COLEC10: variants seen among roughly 807,000 people sequenced by gnomAD.
COLEC10 encodes collectin subfamily member 10.
A neutral mutation model predicts 28.4 loss-of-function variants in COLEC10; 22 were observed. The ratio of observed to expected loss-of-function variants is 0.78; its 90% confidence interval spans 0.55 to 1.11. COLEC10 has a LOEUF of 1.11. COLEC10 is among the 50% of genes least tolerant of loss of function. The pLI is 0.00. For synonymous variants in COLEC10, 125 were observed against 116.1 expected, an observed-to-expected ratio of 1.08 and a Z score of -0.49; for missense variants, 361 against 344.1, an observed-to-expected ratio of 1.05 and a Z score of -0.39.
chr8:119,077,681 G>A (rs1053913825), intron 1 of COLEC10, among the ~76,000 whole-genome samples: 3 of 152,192 alleles, frequency 2.0e-5, no homozygotes, highest in African/African-American at 7.2e-5. Flanking sequence ...ATGTTCAATG[G>A]AGGAGGAACT....
chr8:119,051,686 C>T (rs1482948562), intron 2 of COLEC10, among the ~76,000 whole-genome samples: 2 of 152,138 alleles, frequency 1.3e-5, no homozygotes, highest in Middle Eastern at 3.2e-3. Flanking sequence ...AAAGCTCATA[C>T]CATATTAATA....
At chr8:119,021,519 A>G (rs1409055462) in intron 2 of COLEC10, among the ~76,000 whole-genome samples, 2 of 152,178 alleles carry the variant, frequency 1.3e-5, no homozygotes, top group African/African-American at 2.4e-5. Flanking sequence ...GTAGAGGCCA[A>G]AGGCTTTCTG....
intron 2 of COLEC10, among the ~76,000 whole-genome samples, chr8:119,011,374 T>C (rs1456400244): frequency 4.0e-5 from 6 of 150,940 alleles, no homozygotes; most frequent in Non-Finnish European, 7.4e-5. Context: ...CTGTTTTGAG[T>C]AGTGTAGCTT....
intron 2 of COLEC10, among the ~76,000 whole-genome samples, chr8:119,026,563 T>C (rs1394016746): frequency 6.6e-6 from 1 of 152,144 alleles, no homozygotes; most frequent in Non-Finnish European, 1.5e-5. Flanking sequence ...TTTAGCTCTA[T>C]ACAATCAGTA....
chr8:119,053,693 G>C (rs531289391), intron 2 of COLEC10, among the ~76,000 whole-genome samples: 4 of 150,186 alleles, frequency 2.7e-5, no homozygotes, highest in Non-Finnish European at 5.9e-5. Flanking sequence ...AGGTGGGGGG[G>C]GCTTATTTCT....
chr8:119,106,253 T>C lies in COLEC10; in HGVS notation c.*62T>C, dbSNP rs1815940916. On this transcript the variant is annotated 3_prime_UTR_variant, in exon 6 of 6. Transcript: ENST00000332843. ...CCGTCATTACAGTTATTGTTATCCA[T>C]CCTTTTTTTCCTGATTGTACTACAT... 5 of 1,499,120 alleles carry C rather than the reference T, an allele frequency of 3.3e-6. No individual in the cohort carries two copies. The highest frequency in any genetic ancestry group is 2.0e-5 in the Admixed American group (1 of 50,358). 92.9% of individuals were successfully genotyped at this position (1,499,120 alleles called of 1,614,324 possible). A position where few individuals can be genotyped will look rare whatever the true frequency, so the allele number is the denominator to read the frequency against.
chr8:119,106,166 G>A lies in COLEC10; in HGVS notation c.809G>A (p.Cys270Tyr). The A allele has an allele frequency of 6.2e-7, 1 of 1,600,578 alleles. No individual in the cohort carries two copies. The highest frequency in any genetic ancestry group is 1.1e-5 in the South Asian group (1 of 90,790). Reference sequence around the variant, plus strand: ...TGCCATCTTACCATGTACTTTGTCTGTGAGTTCATCAAGAAGAAAAAGTAA... The same window carrying A: ...TGCCATCTTACCATGTACTTTGTCTATGAGTTCATCAAGAAGAAAAAGTAA... ...TECHLTMYFV[C>Y]EFIKKKK The change falls in exon 6 of 6, where the codon TGT becomes TAT. Residue 270 changes from cysteine to tyrosine, a missense_variant. Physicochemically the swap from Cys to Tyr is radical, Grantham distance 194. Around this residue, in one of 3 missense-constraint regions of COLEC10, gnomAD observed 22 missense variants for 17.3 expected, o/e 1.28. Transcript: ENST00000332843.
chr8:118,996,695 C>T (rs1368412239), intron 1 of COLEC10, among the ~76,000 whole-genome samples: 1 of 152,132 alleles, frequency 6.6e-6, no homozygotes, highest in Admixed American at 6.5e-5. Context: ...CAGTGAAATA[C>T]CTGGAACTGG....
At chr8:119,008,485 T>TTTA (rs1554622910) in intron 1 of COLEC10, among the ~76,000 whole-genome samples, 3 of 149,590 alleles carry the variant, frequency 2.0e-5, no homozygotes, top group Non-Finnish European at 4.4e-5. Flanking sequence ...TTTTTATTTT[T>TTTA]TTTTTTGCCA....
At chr8:119,062,805 A>C, upstream of COLEC10, 1 of 152,226 alleles carries the variant, frequency 6.6e-6, no homozygotes, top group East Asian at 1.9e-4. Context: ...CGGTTTTAAA[A>C]TATGAAATTT....
At chr8:119,084,051 C>T (rs1815419127) in intron 1 of COLEC10, among the ~76,000 whole-genome samples, 2 of 152,118 alleles carry the variant, frequency 1.3e-5, no homozygotes, top group Admixed American at 1.3e-4. Context: ...TGCTTGCTTG[C>T]TTTTTATGTT....
intron 2 of COLEC10, among the ~76,000 whole-genome samples, chr8:119,049,001 C>G (rs1380556572): frequency 2.0e-5 from 3 of 152,142 alleles, no homozygotes; most frequent in Non-Finnish European, 4.4e-5. Context: ...TTAGCACTCC[C>G]TTAAGGACCT....
intron 2 of COLEC10, among the ~76,000 whole-genome samples, chr8:119,059,262 A>ACTAT (rs140713481): frequency 0.26 from 38,921 of 151,568 alleles, 5,314 homozygotes; most frequent in East Asian, 0.52. Flanking sequence ...CTTTTGGTGT[A>ACTAT]CTAAGAAACT....
intron 1 of COLEC10, among the ~76,000 whole-genome samples, chr8:119,003,629 A>C (rs1189897824): frequency 6.6e-6 from 1 of 152,060 alleles, no homozygotes; most frequent in Non-Finnish European, 1.5e-5. Flanking sequence ...CCCCTTCTAG[A>C]AGGATGCTTG....
intron 2 of COLEC10, among the ~76,000 whole-genome samples, chr8:119,059,032 C>G (rs899753712): frequency 1.3e-5 from 2 of 151,970 alleles, no homozygotes; most frequent in Admixed American, 6.6e-5. Flanking sequence ...TATGCATTAG[C>G]TATTTGCCTT....
At chr8:119,072,983 A>C (rs2130237089) in intron 1 of COLEC10, among the ~76,000 whole-genome samples, 1 of 152,312 alleles carries the variant, frequency 6.6e-6, no homozygotes, top group South Asian at 2.1e-4. Context: ...CCCCAACACA[A>C]ATAGGACATT....
upstream of COLEC10, chr8:119,062,829 G>T (rs1007415993): frequency 3.3e-5 from 5 of 152,052 alleles, no homozygotes; most frequent in African/African-American, 1.2e-4. Context: ...ATGTAAAAAA[G>T]AAATTATTAT....
intron 3 of COLEC10, among the ~76,000 whole-genome samples, chr8:119,100,952 C>T (rs1429879543): frequency 1.3e-5 from 2 of 152,112 alleles, no homozygotes; most frequent in Non-Finnish European, 2.9e-5. Context: ...ATCCTTGGGG[C>T]CCCAGCAGGC....
At chr8:119,034,371 C>A (rs971591271) in intron 2 of COLEC10, among the ~76,000 whole-genome samples, 2 of 148,764 alleles carry the variant, frequency 1.3e-5, no homozygotes, top group Non-Finnish European at 3.0e-5. Flanking sequence ...ACCTACGTAA[C>A]AAACCTGCAC....
Sources: allele counts gnomAD v4.1 joint callset (sites outside exome capture counted in the v4.1 genomes callset), GRCh38; gene constraint gnomAD v4.1.1; regional missense constraint gnomAD v4.1.1; transcripts MANE v1.5; gene names NCBI Gene and HGNC (gene_info 2026-07-23, HGNC 2026-07-21).